PAK4: variants seen among roughly 807,000 people sequenced by gnomAD.
PAK4 encodes serine/threonine-protein kinase PAK 4.
Under a neutral mutation model 53.5 loss-of-function variants are expected in PAK4, and 49 were observed. The ratio of observed to expected loss-of-function variants is 0.92; its 90% CI spans 0.73 to 1.16. The LOEUF is 1.16. Ranked by LOEUF, PAK4 falls within the 50% of genes most tolerant of loss-of-function variation. The pLI is 0.00. For synonymous variants in PAK4, 376 were observed against 375.6 expected (o/e 1.00, Z -0.01); for missense variants, 824 against 850.7 (o/e 0.97, Z 0.39).
intron 1 of PAK4, among the ~76,000 whole-genome samples, chr19:39,167,704 C>T (rs894352822): frequency 7.2e-5 from 11 of 152,116 alleles, no homozygotes; most frequent in African/African-American, 2.7e-4. Flanking sequence ...ACGGGGCTCC[C>T]GCTGCCAAAC....
intron 1 of PAK4, among the ~76,000 whole-genome samples, chr19:39,138,149 G>A (rs1305580259): frequency 6.6e-6 from 1 of 152,036 alleles, no homozygotes; most frequent in East Asian, 1.9e-4. Context: ...GGGCTAATGG[G>A]CTAATTTTTT....
chr19:39,147,338 T>C (rs1021815413), intron 1 of PAK4, among the ~76,000 whole-genome samples: 1 of 152,248 alleles, frequency 6.6e-6, no homozygotes, highest in Admixed American at 6.5e-5. Flanking sequence ...GTGGTGCTGA[T>C]AGTGACTACT....
intron 2 of PAK4, among the ~76,000 whole-genome samples, chr19:39,171,348 A>G (rs545741913): frequency 3.9e-4 from 59 of 151,866 alleles, no homozygotes; most frequent in South Asian, 4.2e-4. Context: ...AGCTGGGATT[A>G]CAGGCGCCCA....
chr19:39,158,147 G>A lies in PAK4; in HGVS notation c.-22-11385G>A, dbSNP rs1016318324. On this transcript the variant is annotated intron_variant, in intron 1 of 8. Coordinates refer to ENST00000358301, the Ensembl canonical transcript of PAK4. ...TGCGTGCGTGCATGTGTGAGCGTGCGTGTGTGCACATGTGTGCATGTTTGT... is the reference window on the plus strand; with the variant it reads ...TGCGTGCGTGCATGTGTGAGCGTGCATGTGTGCACATGTGTGCATGTTTGT... Among the ~76,000 whole-genome samples the A allele has an allele frequency of 1.9e-4, 28 of 145,228 alleles. 1 individual carries two copies. Among genetic ancestry groups the A allele is most frequent in the Admixed American group, 9.4e-4 (14 of 14,956 alleles).
At chr19:39,126,231 C>G (rs1404345097) in intron 1 of PAK4, among the ~76,000 whole-genome samples, 2 of 151,978 alleles carry the variant, frequency 1.3e-5, no homozygotes, top group Non-Finnish European at 2.9e-5. Flanking sequence ...AGGCTGCCCC[C>G]ACGAGGGTCA....
intron 2 of PAK4, among the ~76,000 whole-genome samples, chr19:39,172,662 G>T (rs2074504516): frequency 6.6e-6 from 1 of 152,116 alleles, no homozygotes. Flanking sequence ...AAAACAAGGG[G>T]GGCCTCTCCA....
At chr19:39,172,890 C>T in intron 2 of PAK4, 28 bp from the exon 4 acceptor site, 2 of 1,500,096 alleles carry the variant, frequency 1.3e-6, no homozygotes, top group Non-Finnish European at 1.8e-6. Flanking sequence ...CTTGCTGGGC[C>T]CCCACCCACC....
intron 1 of PAK4, among the ~76,000 whole-genome samples, chr19:39,127,098 G>A (rs2073599348): frequency 6.6e-6 from 1 of 152,084 alleles, no homozygotes; most frequent in African/African-American, 2.4e-5. Context: ...GCCTATGGGA[G>A]TAGGGTGTTT....
At position 39,175,265 on chromosome 19, in the gene PAK4, C is replaced by T. The variant is rs2074579696; in HGVS notation, c.1233-47C>T. 6.5e-7 allele frequency: 1 copy of T among 1,543,724 alleles called. No individual in the cohort carries two copies. The highest frequency in any genetic ancestry group is 1.4e-5 in the African/African-American group (1 of 73,328). On this transcript the variant is annotated intron_variant, in intron 5 of 8. Coordinates refer to ENST00000358301, the Ensembl canonical transcript of PAK4. This position sits in a 1 kb window ranked among gnomAD's most constrained non-coding sequence, Gnocchi z 4.7. ...GCAGGGCTGCGTCCCCCTCGGCACC[C>T]CGGGGTGCTGTCCAGCTGGCTGCTC...
intron 1 of PAK4, among the ~76,000 whole-genome samples, chr19:39,150,577 A>C (rs1321770241): frequency 6.6e-6 from 1 of 152,058 alleles, no homozygotes; most frequent in East Asian, 1.9e-4. Context: ...TCACAGGGCA[A>C]CCAAAGTTAC....
In PAK4 at chr19:39,161,807, A is replaced by G. The variant is rs998739637; in HGVS notation, c.-22-7725A>G. ...CTCCTCGCTGTCCCTTGACCATATC[A>G]AGCAAATTCCTACCGCCCTGGCTGT... is the stretch of plus-strand genomic sequence containing the variant. On this transcript the variant is annotated intron_variant, in intron 1 of 8. Transcript: ENST00000358301. This position sits in a 1 kb window ranked among gnomAD's most constrained non-coding sequence, Gnocchi z 4.5. Among the ~76,000 whole-genome samples, 2 of 151,670 alleles carry G rather than the reference A, an allele frequency of 1.3e-5. No homozygotes were observed. The highest frequency in any genetic ancestry group is 4.8e-5 in the African/African-American group (2 of 41,316).
intron 7 of PAK4, among the ~76,000 whole-genome samples, 162 bp downstream of exon 8, chr19:39,176,877 T>C (rs2074616830): frequency 6.6e-6 from 1 of 151,928 alleles, no homozygotes; most frequent in Admixed American, 6.6e-5. Flanking sequence ...CATTCTTCTT[T>C]TTTTTTTTTG....
chr19:39,174,161 C>T (rs1048302998), intron 4 of PAK4, 151 bp downstream of exon 5: 5 of 621,564 alleles, frequency 8.0e-6, no homozygotes, highest in Non-Finnish European at 1.4e-5. Flanking sequence ...CCGTCTCGTC[C>T]GCCCCAGCTG....
intron 1 of PAK4, among the ~76,000 whole-genome samples, chr19:39,139,226 G>A (rs2073870764): frequency 6.6e-6 from 1 of 152,162 alleles, no homozygotes; most frequent in South Asian, 2.1e-4. Flanking sequence ...AGCCTCCTCG[G>A]GCCTCCCTCC....
At position 39,152,919 on chromosome 19, in the gene PAK4, A is replaced by G. The variant is rs183378343; in HGVS notation, c.-22-16613A>G. Reference sequence around the variant, plus strand: ...ACCAACGAAGGACTGAAAATTTACTATGGAGGGCCAGCTTTTCCATCCGCG... The same window carrying G: ...ACCAACGAAGGACTGAAAATTTACTGTGGAGGGCCAGCTTTTCCATCCGCG... On this transcript the variant is annotated intron_variant, in intron 1 of 8. Transcript: ENST00000358301. Among the ~76,000 whole-genome samples the G allele has an allele frequency of 5.9e-5, 9 of 152,120 alleles. No homozygotes were observed. The East Asian group carries it at 9.7e-4, about 16-fold the overall frequency.
chr19:39,173,352 G>A lies in PAK4; in HGVS notation c.639G>A (p.Thr213=), dbSNP rs570041919. 64 of 1,549,676 alleles carry A rather than the reference G, an allele frequency of 4.1e-5. No homozygotes were observed. The highest frequency in any genetic ancestry group is 1.2e-4 in the Admixed American group (6 of 50,882). The change falls in exon 3 of 9, where the codon ACG becomes ACA. Residue 213 remains threonine, a synonymous_variant. Coordinates refer to ENST00000358301, the Ensembl canonical transcript of PAK4. The surrounding 1 kb of genome is among the most constrained non-coding windows in gnomAD (Gnocchi z 6.9). ...TTAACACCTACCCGAGGGCTGACACGGACCACCCATCCCGGGGTGCCCAGG... is the reference window on the plus strand; with the variant it reads ...TTAACACCTACCCGAGGGCTGACACAGACCACCCATCCCGGGGTGCCCAGG...
intron 1 of PAK4, among the ~76,000 whole-genome samples, chr19:39,157,497 C>T (rs569950980): frequency 6.6e-6 from 1 of 152,302 alleles, no homozygotes; most frequent in Admixed American, 6.5e-5. Flanking sequence ...GCGGCCTTCC[C>T]ATTTGCTGCG....
At chr19:39,179,472 G>A (rs1473937723), downstream of PAK4, 2 of 152,158 alleles carry the variant, frequency 1.3e-5, no homozygotes, top group Non-Finnish European at 2.9e-5. Flanking sequence ...TTTGCAGGGA[G>A]AGGGTCTGGA....
intron 1 of PAK4, among the ~76,000 whole-genome samples, chr19:39,162,091 C>T (rs1042391207): frequency 6.6e-6 from 1 of 152,156 alleles, no homozygotes; most frequent in Admixed American, 6.5e-5. Flanking sequence ...TCCCAAGTAG[C>T]TGGGACTACA....
Sources: allele counts gnomAD v4.1 joint callset (sites outside exome capture counted in the v4.1 genomes callset), GRCh38; gene constraint gnomAD v4.1.1; non-coding constraint Gnocchi (gnomAD v3.1); transcripts MANE v1.5; gene names NCBI Gene and HGNC (gene_info 2026-07-23, HGNC 2026-07-21).